DMD: variants seen among roughly 807,000 people sequenced by gnomAD.
DMD encodes the protein mutant dystrophin.
DMD carries 63 observed loss-of-function variants against 330.1 expected under a neutral mutation model. The ratio of observed to expected loss-of-function variants is 0.19; its 90% CI spans 0.16 to 0.24. DMD has a LOEUF of 0.24. DMD is among the 10% of genes least tolerant of loss of function. The pLI is 1.00. For missense variants in DMD, 3,344 were observed against 2,684.1 expected (o/e 1.25, Z -5.43); for synonymous variants, 1,223 against 959.8 (o/e 1.27, Z -5.07).
Position 32,902,623 on chromosome X carries a change from C to T in DMD, c.94-52803G>A, listed in dbSNP as rs141490304. Among the ~76,000 whole-genome samples, 38 of 110,047 alleles carry T rather than the reference C, an allele frequency of 3.5e-4. No individual in the cohort carries two copies. In the East Asian group the frequency reaches 1.0e-2, roughly 29 times the overall value. On this transcript the variant is annotated intron_variant, in intron 2 of 78. Coordinates refer to ENST00000357033, the MANE Select transcript of DMD (RefSeq NM_004006.3). ...TGGCCCTACAGCCCAAAGAAGAAGC[C>T]ATCTTTAGTATGCATGATACAAGCT...
intron 11 of DMD, among the ~76,000 whole-genome samples, chrX:32,635,270 G>A (rs770812674): frequency 9.9e-4 from 110 of 111,386 alleles, no homozygotes; most frequent in African/African-American, 3.5e-3. Flanking sequence ...ACCCTCTTCT[G>A]TGCCTCTTTC....
chrX:32,734,340 G>C (rs1430551179), intron 7 of DMD, among the ~76,000 whole-genome samples: 2 of 90,111 alleles, frequency 2.2e-5, no homozygotes, highest in Non-Finnish European at 4.0e-5. Flanking sequence ...GAGGTACAAG[G>C]AGGAACTGGT....
intron 7 of DMD, among the ~76,000 whole-genome samples, chrX:32,758,770 T>A (rs2071835620): frequency 9.0e-6 from 1 of 110,782 alleles, no homozygotes; most frequent in Non-Finnish European, 1.9e-5. Flanking sequence ...CAATAAAGGG[T>A]GGCTATTATT....
At chrX:32,415,199 T>C (rs1370345247) in intron 29 of DMD, among the ~76,000 whole-genome samples, 2 of 112,314 alleles carry the variant, frequency 1.8e-5, no homozygotes, top group Non-Finnish European at 3.8e-5. Flanking sequence ...GGATGTAATA[T>C]AGAATAACAT....
chrX:31,720,988 A>G (rs73210144), intron 52 of DMD, among the ~76,000 whole-genome samples: 15,136 of 111,236 alleles, frequency 0.14, 891 homozygotes, highest in Admixed American at 0.31. Context: ...AATTAGTATT[A>G]ATTTAACACA....
intron 9 of DMD, among the ~76,000 whole-genome samples, chrX:32,652,963 T>C (rs1316784589): frequency 8.9e-6 from 1 of 112,351 alleles, no homozygotes; most frequent in Non-Finnish European, 1.9e-5. Context: ...AATGCCTTTT[T>C]TGAGAAGTGT....
At chrX:32,088,677 A>AGT (rs34596391) in intron 44 of DMD, among the ~76,000 whole-genome samples, 3,106 of 97,360 alleles carry the variant, frequency 0.032, 75 homozygotes, top group African/African-American at 0.074. Context: ...ATAGCTCTGA[A>AGT]GTGTGTGTGT....
intron 67 of DMD, among the ~76,000 whole-genome samples, chrX:31,191,125 T>G (rs2042302633): frequency 8.9e-6 from 1 of 111,962 alleles, no homozygotes; most frequent in Non-Finnish European, 1.9e-5. Flanking sequence ...TGCAGAAATT[T>G]ATTTATTTAA....
At chrX:32,743,929 TA>T (rs1465418634) in intron 7 of DMD, among the ~76,000 whole-genome samples, 1 of 111,228 alleles carries the variant, frequency 9.0e-6, no homozygotes, top group Admixed American at 9.6e-5. Flanking sequence ...ATATTTTACA[TA>T]AAAAAATATA....
intron 34 of DMD, among the ~76,000 whole-genome samples, chrX:32,371,836 T>C (rs372788559): frequency 1.9e-4 from 21 of 111,730 alleles, no homozygotes; most frequent in African/African-American, 6.8e-4. Context: ...GGGGACAGAC[T>C]ACAGACTGTA....
intron 7 of DMD, among the ~76,000 whole-genome samples, chrX:32,803,427 G>GTT (rs373415501): frequency 8.0e-5 from 8 of 100,383 alleles, no homozygotes; most frequent in East Asian, 3.1e-4. Flanking sequence ...CCTGAATTGA[G>GTT]TTTTTTTTTT....
At chrX:32,831,975 C>G (rs1449551380) in intron 4 of DMD, among the ~76,000 whole-genome samples, 2 of 110,541 alleles carry the variant, frequency 1.8e-5, no homozygotes, top group Non-Finnish European at 1.9e-5. Flanking sequence ...GCTACAGGCT[C>G]TAATGAAAAC....
intron 7 of DMD, among the ~76,000 whole-genome samples, chrX:32,762,262 ACT>A (rs1237656187): frequency 9.1e-6 from 1 of 110,166 alleles, no homozygotes; most frequent in Admixed American, 9.7e-5. Context: ...GAGAAATGAA[ACT>A]CTATCAACCG....
At position 31,217,602 on chromosome X, in the gene DMD, G is replaced by A. The variant is rs148052872; in HGVS notation, c.9361+5445C>T. 2.6e-3 allele frequency among the ~76,000 whole-genome samples: 297 copies of A among 112,257 alleles called. 1 individual carries two copies. Among genetic ancestry groups the A allele is most frequent in the Non-Finnish European group, 4.2e-3 (221 of 53,240 alleles). ...TGGTAGGGAAAGCTAGCCAGGGCAA[G>A]TTTTATTTGCCTGTACCGCAGACAA... On this transcript the variant is annotated intron_variant, in intron 64 of 78. Transcript: ENST00000357033.
At chrX:32,683,545 A>G (rs1237491522) in intron 9 of DMD, among the ~76,000 whole-genome samples, 5 of 105,559 alleles carry the variant, frequency 4.7e-5, no homozygotes, top group African/African-American at 1.4e-4. Context: ...TCGCAAGGAC[A>G]AAAAACCAAA....
intron 64 of DMD, among the ~76,000 whole-genome samples, chrX:31,218,973 T>A (rs1021181873): frequency 9.0e-6 from 1 of 111,219 alleles, no homozygotes; most frequent in South Asian, 3.9e-4. Flanking sequence ...CCATGGAAAT[T>A]CACATCCACT....
At position 31,976,486 on chromosome X, in the gene DMD, T is replaced by C. The variant is rs1390399014; in HGVS notation, c.6439-7972A>G. ...TTTTGGGAATCCCTGAGTATCTGCATGATGACTAATTTTGTCATTATTGAC... is the reference window on the plus strand; with the variant it reads ...TTTTGGGAATCCCTGAGTATCTGCACGATGACTAATTTTGTCATTATTGAC... On this transcript the variant is annotated intron_variant, in intron 44 of 78. Transcript: ENST00000357033. 3.6e-5 allele frequency among the ~76,000 whole-genome samples: 4 copies of C among 111,319 alleles called. No homozygotes were observed. The Admixed American group carries it at 3.8e-4, about 11-fold the overall frequency.
intron 44 of DMD, among the ~76,000 whole-genome samples, chrX:32,200,473 T>A (rs6527167): frequency 9.1e-6 from 1 of 110,232 alleles, no homozygotes; most frequent in Non-Finnish European, 1.9e-5. Flanking sequence ...TGTAACGTGT[T>A]ATATATGTAA....
rs868499832 is a variant in DMD at position 31,951,139 on chromosome X, A to G, written c.6614+17200T>C. Among the ~76,000 whole-genome samples the G allele has an allele frequency of 6.0e-4, 43 of 72,242 alleles. 1 individual carries two copies. The highest frequency in any genetic ancestry group is 1.0e-3 in the South Asian group (2 of 1,951). 62.7% of individuals were successfully genotyped at this position (72,242 alleles called of 115,157 possible). Reference sequence around the variant, plus strand: ...TATATATACATATATATATATATATATGTGTATATATATATATATGTATAT... The same window carrying G: ...TATATATACATATATATATATATATGTGTGTATATATATATATATGTATAT... On this transcript the variant is annotated intron_variant, in intron 45 of 78. Transcript: ENST00000357033.
Sources: allele counts gnomAD v4.1 joint callset (sites outside exome capture counted in the v4.1 genomes callset), GRCh38; gene constraint gnomAD v4.1.1; transcripts MANE v1.5; gene names NCBI Gene and HGNC (gene_info 2026-07-23, HGNC 2026-07-21).